The following C4orf50 variants were observed in gnomAD, a reference collection of about 807,000 sequenced individuals.
C4orf50 encodes uncharacterized protein C4orf50.
A neutral mutation model predicts 77.2 loss-of-function variants in C4orf50; 80 were observed. The observed-to-expected ratio is 1.04, with a 90% CI of 0.87 to 1.25. The LOEUF (loss-of-function observed/expected upper bound fraction) is 1.25, where lower values mean the gene tolerates loss of function less well. Ranked by LOEUF, C4orf50 falls within the 50% of genes most tolerant of loss-of-function variation. The probability of loss-of-function intolerance (pLI) is 0.00; values close to 1 mark genes in which losing one functional copy is unlikely to be tolerated. For missense variants in C4orf50, 1,257 were observed against 1,152.9 expected (o/e 1.09, Z -1.31); for synonymous variants, 532 against 465.3 (o/e 1.14, Z -1.84).
chr4:5,962,042 C>T (rs1293299524), intron 33 of C4orf50, among the ~76,000 whole-genome samples: 1 of 152,158 alleles, frequency 6.6e-6, no homozygotes, highest in Non-Finnish European at 1.5e-5. Context: ...AGCTCTGTTC[C>T]CAAATGCTCA....
chr4:5,959,224 C>G, exon 34 of C4orf50: 1 of 909,436 alleles, frequency 1.1e-6, no homozygotes, highest in Non-Finnish European at 1.7e-6. Flanking sequence ...CAAGCTCTGA[C>G]AATGAACACA....
At position 6,015,657 on chromosome 4, in the gene C4orf50, C is replaced by G. The variant is rs1221880269; in HGVS notation, c.287+2488G>C. On this transcript the variant is annotated intron_variant, in intron 23 of 33. Transcript: ENST00000531445. This position sits in a 1 kb window ranked among gnomAD's most constrained non-coding sequence, Gnocchi z 4.4. ...CACCACAAGCTTGGCGGCCAGAAGT[C>G]GGAATCAGTCTTCCTGAGCTAGTCG... Among the ~76,000 whole-genome samples the G allele has an allele frequency of 6.6e-6, 1 of 152,112 alleles. No homozygotes were observed. The highest frequency in any genetic ancestry group is 1.5e-5 in the Non-Finnish European group (1 of 68,016).
At chr4:6,004,804 T>G (rs1560599967) in intron 25 of C4orf50, among the ~76,000 whole-genome samples, 1 of 151,304 alleles carries the variant, frequency 6.6e-6, no homozygotes, top group Non-Finnish European at 1.5e-5. Context: ...ATGGTGATGG[T>G]GATGTTGGTG....
At chr4:5,934,350 G>A (rs1717913220) in intron 7 of C4orf50, among the ~76,000 whole-genome samples, 1 of 152,184 alleles carries the variant, frequency 6.6e-6, no homozygotes, top group South Asian at 2.1e-4. Flanking sequence ...TCCTCTGCAA[G>A]CTTCCTCATA....
intron 25 of C4orf50, among the ~76,000 whole-genome samples, chr4:5,995,040 AC>A (rs922163874): frequency 6.6e-6 from 1 of 151,994 alleles, no homozygotes; most frequent in African/African-American, 2.4e-5. Context: ...TATCCCCCTC[AC>A]CCCCTGCCCA....
At chr4:6,013,711 T>A (rs1722572126) in intron 23 of C4orf50, among the ~76,000 whole-genome samples, 1 of 152,116 alleles carries the variant, frequency 6.6e-6, no homozygotes, top group Non-Finnish European at 1.5e-5. Flanking sequence ...TGCATGCAGC[T>A]GGGTCCAAAG....
At chr4:5,955,774 G>A (rs145514476), downstream of C4orf50, among the ~76,000 whole-genome samples, 415 of 152,242 alleles carry the variant, frequency 2.7e-3, 3 homozygotes, top group African/African-American at 9.4e-3. The surrounding 1 kb of genome is among the most constrained non-coding windows in gnomAD (Gnocchi z 5.1). Flanking sequence ...GTGGAGTCAG[G>A]AAGCAAACGC....
intron 29 of C4orf50, among the ~76,000 whole-genome samples, chr4:5,976,544 G>A (rs1720299910): frequency 6.6e-6 from 1 of 151,658 alleles, no homozygotes; most frequent in Admixed American, 6.6e-5. Context: ...TGAGTCTCCA[G>A]GCAGCCTGGC....
At chr4:5,998,507 G>C (rs965555587) in intron 25 of C4orf50, among the ~76,000 whole-genome samples, 1 of 152,204 alleles carries the variant, frequency 6.6e-6, no homozygotes, top group East Asian at 1.9e-4. Flanking sequence ...GCTGCCACCA[G>C]GGGTCACTCT....
intron 7 of C4orf50, among the ~76,000 whole-genome samples, chr4:5,929,279 T>G (rs1717655274): frequency 6.6e-6 from 1 of 152,230 alleles, no homozygotes; most frequent in Non-Finnish European, 1.5e-5. Flanking sequence ...TGTGAATATT[T>G]TTCAGGCTCT....
Position 5,943,215 on chromosome 4 carries a change from C to T in C4orf50, c.*2474+13686G>A, listed in dbSNP as rs186026492. Among the ~76,000 whole-genome samples the T allele has an allele frequency of 4.9e-4, 74 of 152,244 alleles. 1 individual carries two copies. Among genetic ancestry groups the T allele is most frequent in the South Asian group, 1.5e-3 (7 of 4,826 alleles). On this transcript the variant is annotated intron_variant, in intron 7 of 7. Transcript: ENST00000324058. Reference sequence around the variant, plus strand: ...TGATGCTACGTGTCCGTTAGGCACCCGCAGTAGGCTTCTTCTTAAAGTGAT... The same window carrying T: ...TGATGCTACGTGTCCGTTAGGCACCTGCAGTAGGCTTCTTCTTAAAGTGAT...
At chr4:5,942,909 C>G (rs1718324164) in intron 7 of C4orf50, among the ~76,000 whole-genome samples, 1 of 152,176 alleles carries the variant, frequency 6.6e-6, no homozygotes, top group Non-Finnish European at 1.5e-5. Context: ...ATGAACATCT[C>G]TTACTGGTGG....
chr4:5,922,452 C>T (rs78370232), intron 7 of C4orf50, among the ~76,000 whole-genome samples: 3,064 of 152,284 alleles, frequency 0.02, 117 homozygotes, highest in African/African-American at 0.07. Flanking sequence ...ACTTACTTAT[C>T]GAACACCTTC....
At chr4:5,968,889 G>C (rs1719739643) in intron 31 of C4orf50, among the ~76,000 whole-genome samples, 1 of 152,146 alleles carries the variant, frequency 6.6e-6, no homozygotes, top group Non-Finnish European at 1.5e-5. Flanking sequence ...CCTGCATTCG[G>C]TATGTGGTTG....
exon 34 of C4orf50, chr4:5,959,114 C>T (rs567239126): frequency 1.8e-5 from 8 of 443,436 alleles, no homozygotes; most frequent in East Asian, 1.7e-4. Context: ...CTGGACCAAT[C>T]ATTCAATAGG....
chr4:5,951,569 TTATC>T (rs1405437380), intron 7 of C4orf50, among the ~76,000 whole-genome samples: 1 of 152,212 alleles, frequency 6.6e-6, no homozygotes, highest in Non-Finnish European at 1.5e-5. Context: ...GGAAGTCACT[TTATC>T]TATGAGGTGA....
chr4:5,906,231 G>A (rs1272059205), intron 7 of C4orf50, among the ~76,000 whole-genome samples: 4 of 152,022 alleles, frequency 2.6e-5, no homozygotes, highest in African/African-American at 7.2e-5. Flanking sequence ...AGAGAAGTGG[G>A]GGGGCGGGGA....
intron 7 of C4orf50, among the ~76,000 whole-genome samples, chr4:5,918,094 G>T (rs1717110299): frequency 6.6e-6 from 1 of 152,152 alleles, no homozygotes; most frequent in Non-Finnish European, 1.5e-5. Context: ...GGAAGCTCCG[G>T]GAAGAAGCCC....
At position 6,007,125 on chromosome 4, in the gene C4orf50, C is replaced by T. The variant is rs557892930; in HGVS notation, c.963+871G>A. Reference sequence around the variant, plus strand: ...GTGGACAATAAGGGATACAAGGTGGCTGGTTGGCTGCCTGACCAGTGGCCA... The same window carrying T: ...GTGGACAATAAGGGATACAAGGTGGTTGGTTGGCTGCCTGACCAGTGGCCA... On this transcript the variant is annotated intron_variant, in intron 25 of 33. Coordinates refer to ENST00000531445, the Ensembl canonical transcript of C4orf50. The surrounding 1 kb of genome is among the most constrained non-coding windows in gnomAD (Gnocchi z 4.1). 6.6e-6 allele frequency among the ~76,000 whole-genome samples: 1 copy of T among 152,276 alleles called. No individual in the cohort carries two copies. Among genetic ancestry groups the T allele is most frequent in the Non-Finnish European group, 1.5e-5 (1 of 68,032 alleles).
Sources: gnomAD v4.1 joint callset for allele counts (sites outside exome capture counted in the v4.1 genomes callset) on GRCh38, gnomAD v4.1.1 for gene constraint, Gnocchi (gnomAD v3.1) non-coding constraint, MANE v1.5 for transcripts, NCBI Gene and HGNC (gene_info 2026-07-23, HGNC 2026-07-21) for gene names.